The following ATP13A2 variants were observed in gnomAD, a reference collection of about 807,000 sequenced individuals.
The protein encoded by ATP13A2 is polyamine-transporting ATPase 13A2.
ATP13A2 carries 83 observed loss-of-function variants against 138.3 expected under a neutral mutation model. That is an observed-to-expected ratio of 0.60 (90% CI 0.50 to 0.72). ATP13A2 has a LOEUF of 0.72. ATP13A2 is among the 30% of genes least tolerant of loss of function. The pLI is 0.00. For missense variants in ATP13A2, 1,402 were observed against 1,606.4 expected, an observed-to-expected ratio of 0.87 and a Z score of 2.17; for synonymous variants, 663 against 699.0, an observed-to-expected ratio of 0.95 and a Z score of 0.81.
At chr1:16,989,071 A>T (rs1197605640) in intron 23 of ATP13A2, among the ~76,000 whole-genome samples, 1 of 149,160 alleles carries the variant, frequency 6.7e-6, no homozygotes, top group African/African-American at 2.5e-5. Context: ...GTGCGCCACC[A>T]TGCCCAACTA....
intron 22 of ATP13A2, 51 bp from the exon 23 acceptor site, chr1:16,989,821 G>T (rs535209471): frequency 1.2e-6 from 2 of 1,611,490 alleles, no homozygotes; most frequent in African/African-American, 2.7e-5. Context: ...CAGGGAGAGC[G>T]AGCCGTGAGG....
intron 20 of ATP13A2, among the ~76,000 whole-genome samples, chr1:16,990,956 CT>C (rs797003201): frequency 3.4e-4 from 49 of 143,488 alleles, no homozygotes; most frequent in Middle Eastern, 3.8e-3. Context: ...TAGCTAGAAT[CT>C]TTTTTTTTTT....
rs1299235287 is a variant in ATP13A2, at chr1:16,993,707, G to A, written c.1671C>T (p.Thr557=). 2.5e-6 allele frequency: 4 copies of A among 1,594,772 alleles called. No homozygotes were observed. ...PVGPLLRALA[T]CHALSRLQDT... is the part of the protein sequence containing the mutation. ...CCTGGAGCCGGCTGAGGGCATGGCA[G>A]GTGGCCAGTGCTCGGAGCAGGGGCC... Residue 557 remains threonine (T), a synonymous_variant, in exon 16 of 29, where the codon ACC becomes ACT. Transcript: ENST00000326735.
In ATP13A2 at chr1:16,986,962, G is replaced by T; in HGVS notation, c.3084-6C>A. On this transcript the variant is annotated splice_polypyrimidine_tract_variant and splice_region_variant and intron_variant, in intron 26 of 28. Transcript: ENST00000326735. The surrounding 1 kb of genome is among the most constrained non-coding windows in gnomAD (Gnocchi z 6.9). ...TCCTGTTCAGAGGCACGAACCTGGG[G>T]GTACAGGGATGGGGGTCAGGGAACG... 1 of 1,613,946 alleles carries T rather than the reference G, an allele frequency of 6.2e-7. No individual in the cohort carries two copies. Among genetic ancestry groups the T allele is most frequent in the Non-Finnish European group, 8.5e-7 (1 of 1,179,938 alleles).
At chr1:17,000,573 C>A in intron 8 of ATP13A2, 39 bp from the exon 9 acceptor site, 1 of 1,598,998 alleles carries the variant, frequency 6.3e-7, no homozygotes. Context: ...GGCCGCGTCC[C>A]CCAGGGCAGC....
Position 17,004,532 on chromosome 1 carries a change from G to A in ATP13A2, c.478-121C>T, listed in dbSNP as rs2077478454. ...GGGACTGGTGTCACCAGACAGAGAG[G>A]TGGGGAGAGGCCTGAAAGTGTAAAC... On this transcript the variant is annotated intron_variant, in intron 5 of 28. Coordinates refer to ENST00000326735, the MANE Select transcript of ATP13A2 (RefSeq NM_022089.4). This position sits in a 1 kb window ranked among gnomAD's most constrained non-coding sequence, Gnocchi z 4.1. The A allele has an allele frequency of 6.5e-7, 1 of 1,530,824 alleles. No homozygotes were observed. The highest frequency in any genetic ancestry group is 1.4e-5 in the African/African-American group (1 of 72,976). 94.8% of individuals were successfully genotyped at this position (1,530,824 alleles called of 1,614,324 possible).
rs770849259 is a variant in ATP13A2 at position 16,990,148 on chromosome 1, G to C, written c.2391C>G (p.Pro797=). 2 of 1,614,162 alleles carry C rather than the reference G, an allele frequency of 1.2e-6. No homozygotes were observed. The highest frequency in any genetic ancestry group is 2.2e-5 in the South Asian group (2 of 91,088). ...TCACCTTAACGCCATTCACGGCTGT[G>C]GGGGACTCCATCGGCAGGAACTCGA... is the stretch of plus-strand genomic sequence containing the variant. The part of the protein sequence containing the change: ...ASLEFLPMES[P]TAVNGVKDPD... Residue 797 remains proline, a synonymous_variant, in exon 21 of 29, where the codon CCC becomes CCG. Transcript: ENST00000326735.
At chr1:16,999,976 G>A (rs2077284547) in intron 11 of ATP13A2, 35 bp downstream of exon 11, 1 of 1,573,416 alleles carries the variant, frequency 6.4e-7, no homozygotes, top group South Asian at 1.1e-5. Flanking sequence ...TGGCAGGGGA[G>A]GAAGGAAGCT....
chr1:17,002,237 T>C (rs2077385931), intron 7 of ATP13A2, 59 bp downstream of exon 7: 23 of 1,594,556 alleles, frequency 1.4e-5, no homozygotes, highest in Non-Finnish European at 2.0e-5. Flanking sequence ...GCAACCACAT[T>C]GGGGGGCAAC....
At position 17,007,781 on chromosome 1, in the gene ATP13A2, G is replaced by A. The variant is rs1033795739; in HGVS notation, c.11-2003C>T. On this transcript the variant is annotated intron_variant, in intron 1 of 28. Coordinates refer to ENST00000326735, the MANE Select transcript of ATP13A2 (RefSeq NM_022089.4). ...TTAGCCAGGATGGTCTCGATCTCCC[G>A]ACCTCGTGATCCGCCCGCCTCGGCC... 5.6e-4 allele frequency among the ~76,000 whole-genome samples: 85 copies of A among 152,048 alleles called. 1 individual carries two copies. The highest frequency in any genetic ancestry group is 2.0e-3 in the African/African-American group (81 of 41,500).
rs147277743 is a variant in ATP13A2 at position 16,991,749 on chromosome 1, C to T, written c.2236G>A (p.Ala746Thr). ...GCCATTGTACCTGTCACCATGACGG[C>T]GCGGATGCGGGTCCTTCGCAGAGCC... is the stretch of plus-strand genomic sequence containing the variant. ...IQALRRTRIR[A>T]VMVTGDNLQT... Residue 746 changes from alanine (A) to threonine (T), a missense_variant, in exon 20 of 29, where the codon GCC (alanine) becomes ACC (threonine). Physicochemically the swap from Ala to Thr is moderately conservative, Grantham distance 58. Transcript: ENST00000326735. 195 of 1,614,152 alleles carry T rather than the reference C, an allele frequency of 1.2e-4. No individual in the cohort carries two copies. The East Asian group carries it at 1.2e-3, about 10-fold the overall frequency.
In ATP13A2 at chr1:16,993,673, CG is replaced by C; in HGVS notation, c.1704del (p.Val569TrpfsTer7). 1 of 1,596,030 alleles carries C rather than the reference CG, an allele frequency of 6.3e-7. No homozygotes were observed. The highest frequency in any genetic ancestry group is 8.5e-7 in the Non-Finnish European group (1 of 1,171,842). ...CHALSRLQDT[P>X]VGDPMDLKMV... ...ATCTTCAAGTCCATGGGGTCGCCCA[CG>C]GGGGTGTCCTGGAGCCGGCTGAGGG... On this transcript the variant is annotated frameshift_variant, in exon 16 of 29. Coordinates refer to ENST00000326735, the MANE Select transcript of ATP13A2 (RefSeq NM_022089.4). LOFTEE classifies it high-confidence loss of function.
At position 16,987,040 on chromosome 1, in the gene ATP13A2, A is replaced by C. The variant is rs763544862; in HGVS notation, c.3083+6T>G. 3.1e-6 allele frequency: 5 copies of C among 1,613,034 alleles called. No homozygotes were observed. Among genetic ancestry groups the C allele is most frequent in the Non-Finnish European group, 4.2e-6 (5 of 1,179,860 alleles). On this transcript the variant is annotated splice_donor_region_variant and intron_variant, in intron 26 of 28. Transcript: ENST00000326735. ...GATGGGGGTGGTCAGTCAGCTCCCT[A>C]CTCACCATGGCTGGGCCAGGGTCAG...
At chr1:16,989,477 G>A (rs935148354) in intron 23 of ATP13A2, among the ~76,000 whole-genome samples, 9 of 152,020 alleles carry the variant, frequency 5.9e-5, no homozygotes, top group Non-Finnish European at 1.2e-4. Flanking sequence ...ACTCAAAGAG[G>A]TGGGATTACA....
At position 16,986,699 on chromosome 1, in the gene ATP13A2, C is replaced by G. The variant is rs1284853316; in HGVS notation, c.3236-67G>C. ...CGGCACCCACAGACACACGTGTGCA[C>G]GCCAGTCTTCCACTCGGCCGGCACC... is the stretch of plus-strand genomic sequence containing the variant. On this transcript the variant is annotated intron_variant, in intron 27 of 28. Transcript: ENST00000326735. This position sits in a 1 kb window ranked among gnomAD's most constrained non-coding sequence, Gnocchi z 6.9. 6.4e-7 allele frequency: 1 copy of G among 1,568,028 alleles called. No individual in the cohort carries two copies. The highest frequency in any genetic ancestry group is 1.4e-5 in the African/African-American group (1 of 73,846).
At chr1:16,997,414 C>CGGGGCG (rs1553169121) in intron 11 of ATP13A2, among the ~76,000 whole-genome samples, 1 of 56,642 alleles carries the variant, frequency 1.8e-5, no homozygotes, top group Non-Finnish European at 3.1e-5. Context: ...CTGGAACCAG[C>CGGGGCG]GGGGGGGGGT....
At position 16,999,380 on chromosome 1, in the gene ATP13A2, C is replaced by CAA. The variant is rs67969184; in HGVS notation, c.1039+629_1039+630dup. Among the ~76,000 whole-genome samples the CAA allele has an allele frequency of 9.1e-3, 510 of 55,834 alleles. 10 individuals are homozygous for CAA. The highest frequency in any genetic ancestry group is 0.022 in the African/African-American group (293 of 13,192). The allele number at this position is 55,834 out of a possible 152,430, so 36.6% of individuals were successfully genotyped here. On this transcript the variant is annotated intron_variant, in intron 11 of 28. Transcript: ENST00000326735. ...GGGCAACAAGAGTGAAACTCCATCT[C>CAA]AAAAAAAAAAAAAAAAAAAAAAAAA...
chr1:16,987,205 G>A lies in ATP13A2; in HGVS notation c.2924C>T (p.Ala975Val). ...TGGCCCCGTGCGGCTCATGAGCACT[G>A]CCACTGTGGTGGTGATGACCAGGTC... ...AIDLVITTTV[A>V]VLMSRTGPAL... is the part of the protein sequence containing the mutation. Residue 975 changes from alanine to valine, a missense_variant, in exon 26 of 29, where the codon GCA becomes GTA. Transcript: ENST00000326735. The A allele has an allele frequency of 6.2e-7, 1 of 1,613,852 alleles. No homozygotes were observed. The highest frequency in any genetic ancestry group is 8.5e-7 in the Non-Finnish European group (1 of 1,179,860).
In ATP13A2 at chr1:17,011,902, C is replaced by G. The variant is rs934283924; in HGVS notation, c.-164G>C. ...GCTGACGCGGGCGGGGCACCTGGGC[C>G]ACCAGGCTCGGCGCGGCTCCGACAC... On this transcript the variant is annotated 5_prime_UTR_variant, in exon 1 of 29. Transcript: ENST00000326735. This position sits in a 1 kb window ranked among gnomAD's most constrained non-coding sequence, Gnocchi z 7.3. 3.5e-4 allele frequency: 201 copies of G among 567,812 alleles called. No homozygotes were observed. In the African/African-American group the frequency reaches 3.8e-3, roughly 11 times the overall value. 35.2% of individuals were successfully genotyped at this position (567,812 alleles called of 1,614,324 possible).
Sources: allele counts gnomAD v4.1 joint callset (sites outside exome capture counted in the v4.1 genomes callset), GRCh38; gene constraint gnomAD v4.1.1; non-coding constraint Gnocchi (gnomAD v3.1); transcripts MANE v1.5; gene names NCBI Gene and HGNC (gene_info 2026-07-23, HGNC 2026-07-21).